SMOC2: variants seen among roughly 807,000 people sequenced by gnomAD.
SMOC2 encodes SPARC-related modular calcium-binding protein 2.
SMOC2 carries 39 observed loss-of-function variants against 61.4 expected under a neutral mutation model. That is an observed-to-expected ratio of 0.64 (90% confidence interval 0.49 to 0.83). The LOEUF (loss-of-function observed/expected upper bound fraction) is 0.83, where lower values mean the gene tolerates loss of function less well. SMOC2 is among the 40% of genes least tolerant of loss of function. SMOC2 has a pLI of 0.00. For synonymous variants in SMOC2, 247 were observed against 239.9 expected (o/e 1.03, Z -0.27); for missense variants, 556 against 592.9 (o/e 0.94, Z 0.65).
chr6:168,567,653 G>A (rs1365091533), intron 7 of SMOC2, among the ~76,000 whole-genome samples: 1 of 152,154 alleles, frequency 6.6e-6, no homozygotes, highest in Non-Finnish European at 1.5e-5. Context: ...TTGGAGTCTT[G>A]AGCAAATAAA....
chr6:168,563,287 ATGTG>A (rs10560357), intron 7 of SMOC2, among the ~76,000 whole-genome samples: 1 of 151,606 alleles, frequency 6.6e-6, no homozygotes, highest in African/African-American at 2.4e-5. Context: ...TGTAAGTTTT[ATGTG>A]TGTGTGTGTA....
chr6:168,582,337 C>G (rs191980783), intron 7 of SMOC2, among the ~76,000 whole-genome samples: 2 of 152,082 alleles, frequency 1.3e-5, no homozygotes, highest in African/African-American at 2.4e-5. Context: ...TGTGTGAGAC[C>G]GTTACTAGCT....
chr6:168,489,737 T>C (rs1162872954), intron 1 of SMOC2, among the ~76,000 whole-genome samples: 2 of 151,010 alleles, frequency 1.3e-5, no homozygotes, highest in Non-Finnish European at 2.9e-5. Flanking sequence ...TGTTTTAGAA[T>C]GAAATATATC....
chr6:168,643,651 G>A (rs1361848115), intron 9 of SMOC2, among the ~76,000 whole-genome samples: 1 of 152,216 alleles, frequency 6.6e-6, no homozygotes, highest in Non-Finnish European at 1.5e-5. Context: ...TGGCCGTGGG[G>A]CAGCGGGGAG....
chr6:168,528,559 A>G (rs1783511691), intron 4 of SMOC2, among the ~76,000 whole-genome samples: 1 of 152,198 alleles, frequency 6.6e-6, no homozygotes, highest in African/African-American at 2.4e-5. Context: ...TAAGGGATAT[A>G]TATCTTTTAA....
chr6:168,664,382 A>ATTT lies in SMOC2; in HGVS notation c.1323+272_1323+273insTTT, dbSNP rs1562413940. 1.0e-5 allele frequency: 3 copies of ATTT among 300,964 alleles called. No individual in the cohort carries two copies. In the African/African-American group the frequency reaches 1.3e-4, roughly 13 times the overall value. The allele number at this position is 300,964 out of a possible 1,614,324, so 18.6% of individuals were successfully genotyped here. ...ATTTCTGAGTTTCCTTGTTTGGTAGATCTTTTTTTTTTTTTTTTTTTTTTT... is the reference window on the plus strand; with the variant it reads ...ATTTCTGAGTTTCCTTGTTTGGTAGATTTTCTTTTTTTTTTTTTTTTTTTTTTT... On this transcript the variant is annotated intron_variant, in intron 12 of 12. Transcript: ENST00000356284.
chr6:168,488,872 C>A (rs1455848492), intron 1 of SMOC2, among the ~76,000 whole-genome samples: 1 of 141,602 alleles, frequency 7.1e-6, no homozygotes, highest in Non-Finnish European at 1.6e-5. Context: ...TGAAATATAT[C>A]AAATCGTCTG....
Position 168,551,904 on chromosome 6 carries a change from A to G in SMOC2, c.637+2701A>G, listed in dbSNP as rs1338920981. 2.0e-5 allele frequency among the ~76,000 whole-genome samples: 3 copies of G among 152,236 alleles called. No individual in the cohort carries two copies. In the East Asian group the frequency reaches 5.8e-4, roughly 29 times the overall value. On this transcript the variant is annotated intron_variant, in intron 7 of 12. Coordinates refer to ENST00000356284, the MANE Select transcript of SMOC2 (RefSeq NM_001166412.2). ...TTTCCAAGACTTCAAATGACCTGCC[A>G]TTATAATTAACCAGTAAAAACTGAG... is the stretch of plus-strand genomic sequence containing the variant.
In SMOC2 at chr6:168,653,115, A is replaced by C. The variant is rs750410223; in HGVS notation, c.1172A>C (p.Lys391Thr). 1 of 1,614,200 alleles carries C rather than the reference A, an allele frequency of 6.2e-7. No individual in the cohort carries two copies. The highest frequency in any genetic ancestry group is 8.5e-7 in the Non-Finnish European group (1 of 1,180,030). ...TCAAAGCCCAAAAAATGTGTGAAGA[A>C]GTTTGTTGAATACTGTGACGTGAAT... The part of the protein sequence containing the change: ...KKSKPKKCVK[K>T]FVEYCDVNND... The change falls in exon 11 of 13, where the codon AAG becomes ACG. Residue 391 changes from lysine (K) to threonine (T), a missense_variant. Lys to Thr is a moderately conservative substitution (Grantham distance 78). Transcript: ENST00000356284.
At chr6:168,596,827 T>C (rs933915369) in intron 7 of SMOC2, among the ~76,000 whole-genome samples, 1 of 152,272 alleles carries the variant, frequency 6.6e-6, no homozygotes, top group African/African-American at 2.4e-5. Context: ...AGGTTTTGTT[T>C]TATGCACCTG....
chr6:168,552,193 T>C (rs543992114), intron 7 of SMOC2, among the ~76,000 whole-genome samples: 1 of 152,330 alleles, frequency 6.6e-6, no homozygotes, highest in South Asian at 2.1e-4. Flanking sequence ...ATATTTAATT[T>C]ATTAAGTTTT....
rs1787666976 is a variant in SMOC2 at position 168,666,528 on chromosome 6, T to C, written c.*90T>C. 8 of 1,348,678 alleles carry C rather than the reference T, an allele frequency of 5.9e-6. No individual in the cohort carries two copies. The Admixed American group carries it at 1.4e-4, about 24-fold the overall frequency. 83.5% of individuals were successfully genotyped at this position (1,348,678 alleles called of 1,614,324 possible). On this transcript the variant is annotated 3_prime_UTR_variant, in exon 13 of 13. Transcript: ENST00000356284. ...AGAAAACAAAAACAGAAACACATAG[T>C]ATTTGCACTTTGTACTTTAAATGTA... is the stretch of plus-strand genomic sequence containing the variant.
chr6:168,605,731 A>G (rs1785669980), intron 8 of SMOC2, among the ~76,000 whole-genome samples: 1 of 152,202 alleles, frequency 6.6e-6, no homozygotes, highest in African/African-American at 2.4e-5. Context: ...CGTGCCACCC[A>G]TGTGAAGGAT....
intron 1 of SMOC2, among the ~76,000 whole-genome samples, chr6:168,507,073 T>G (rs1782888675): frequency 6.6e-6 from 1 of 152,218 alleles, no homozygotes. Flanking sequence ...ACCAGTACAT[T>G]ATCAAGAATT....
At chr6:168,509,698 T>C (rs1782960461) in intron 1 of SMOC2, among the ~76,000 whole-genome samples, 1 of 152,214 alleles carries the variant, frequency 6.6e-6, no homozygotes, top group Non-Finnish European at 1.5e-5. Context: ...CCGATATTGA[T>C]GTAGAGAACT....
chr6:168,490,033 A>C (rs1782435210), intron 1 of SMOC2, among the ~76,000 whole-genome samples: 1 of 152,130 alleles, frequency 6.6e-6, no homozygotes, highest in Non-Finnish European at 1.5e-5. Context: ...TTAGAGGGAA[A>C]TATGTCGAAT....
At chr6:168,602,922 G>A (rs768617882) in intron 8 of SMOC2, among the ~76,000 whole-genome samples, 1 of 152,144 alleles carries the variant, frequency 6.6e-6, no homozygotes. Flanking sequence ...GTGTTTGAAT[G>A]GGGAGTGACA....
At chr6:168,547,598 C>T (rs1447599649) in intron 6 of SMOC2, among the ~76,000 whole-genome samples, 3 of 152,022 alleles carry the variant, frequency 2.0e-5, no homozygotes, top group South Asian at 2.1e-4. Flanking sequence ...GAAACGGCAA[C>T]GGATGGCATA....
chr6:168,639,204 T>G (rs1452475748), intron 9 of SMOC2, among the ~76,000 whole-genome samples: 4 of 152,200 alleles, frequency 2.6e-5, no homozygotes, highest in Non-Finnish European at 5.9e-5. Context: ...TGGCTCTGGG[T>G]GGCATGTGTA....
Sources: gnomAD v4.1 joint callset for allele counts (sites outside exome capture counted in the v4.1 genomes callset) on GRCh38, gnomAD v4.1.1 for gene constraint, MANE v1.5 for transcripts, NCBI Gene and HGNC (gene_info 2026-07-23, HGNC 2026-07-21) for gene names.